Variants in STPG2 observed in about 807,000 individuals in gnomAD.
STPG2 encodes sperm-tail PG-rich repeat-containing protein 2.
In STPG2, 56 loss-of-function variants were observed where a neutral mutation model predicts 54.2. The observed-to-expected ratio is 1.03, with a 90% CI of 0.83 to 1.29. The LOEUF (loss-of-function observed/expected upper bound fraction) is 1.29, where lower values mean the gene tolerates loss of function less well. STPG2 is among the 50% of genes most tolerant of loss of function. STPG2 has a pLI of 0.00. For synonymous variants in STPG2, 200 were observed against 181.8 expected, an observed-to-expected ratio of 1.10 and a Z score of -0.81; for missense variants, 596 against 544.9, an observed-to-expected ratio of 1.09 and a Z score of -0.93.
intron 10 of STPG2, among the ~76,000 whole-genome samples, chr4:97,656,998 G>A (rs1019209705): frequency 6.6e-6 from 1 of 151,808 alleles, no homozygotes; most frequent in African/African-American, 2.4e-5. Flanking sequence ...TAATGCAATT[G>A]CAGTTTATTT....
intron 10 of STPG2, among the ~76,000 whole-genome samples, chr4:97,597,373 A>G (rs1028955838): frequency 2.0e-5 from 3 of 152,144 alleles, no homozygotes; most frequent in South Asian, 2.1e-4. Context: ...ATTCCAAAAA[A>G]TTGAGGAGAA....
chr4:97,610,605 A>G (rs1733706257), intron 10 of STPG2, among the ~76,000 whole-genome samples: 1 of 151,996 alleles, frequency 6.6e-6, no homozygotes, highest in Admixed American at 6.6e-5. Flanking sequence ...TCCAATCTAC[A>G]CAGTCACATA....
At chr4:97,996,255 T>C (rs931074378) in intron 5 of STPG2, among the ~76,000 whole-genome samples, 3 of 152,086 alleles carry the variant, frequency 2.0e-5, no homozygotes, top group South Asian at 2.1e-4. Flanking sequence ...CATAGACCAA[T>C]AGAGCAGAAT....
chr4:97,877,933 T>C (rs1730237209), intron 8 of STPG2, among the ~76,000 whole-genome samples: 1 of 152,148 alleles, frequency 6.6e-6, no homozygotes, highest in Non-Finnish European at 1.5e-5. Flanking sequence ...AGTTACTTCC[T>C]AGATAAAATA....
At chr4:97,949,949 T>C (rs1422046934) in intron 7 of STPG2, among the ~76,000 whole-genome samples, 14 of 152,166 alleles carry the variant, frequency 9.2e-5, no homozygotes, top group Non-Finnish European at 2.1e-4. Context: ...TTTGGATATC[T>C]AAATCACCAG....
At chr4:98,014,896 T>A (rs1735886181) in intron 5 of STPG2, among the ~76,000 whole-genome samples, 1 of 151,638 alleles carries the variant, frequency 6.6e-6, no homozygotes, top group African/African-American at 2.4e-5. Flanking sequence ...TTCGTTGACA[T>A]TTTTTTTCTT....
At chr4:98,113,742 C>T (rs1739425652) in intron 3 of STPG2, among the ~76,000 whole-genome samples, 1 of 151,868 alleles carries the variant, frequency 6.6e-6, no homozygotes, top group South Asian at 2.1e-4. Flanking sequence ...CAAAGCCCAG[C>T]CCCTTGTCAT....
At chr4:97,730,471 C>T (rs1724762466) in intron 9 of STPG2, among the ~76,000 whole-genome samples, 1 of 152,116 alleles carries the variant, frequency 6.6e-6, no homozygotes, top group African/African-American at 2.4e-5. Flanking sequence ...CATATGGATG[C>T]ATGTGTTTTT....
At chr4:98,077,525 C>T (rs1316849809) in intron 5 of STPG2, among the ~76,000 whole-genome samples, 3 of 152,102 alleles carry the variant, frequency 2.0e-5, no homozygotes, top group African/African-American at 7.2e-5. Flanking sequence ...CATGAGCCAC[C>T]ATGCCCAGCC....
At chr4:98,081,129 G>A (rs1194263676) in intron 5 of STPG2, among the ~76,000 whole-genome samples, 3 of 152,152 alleles carry the variant, frequency 2.0e-5, no homozygotes, top group Non-Finnish European at 4.4e-5. Context: ...TGAAATGAAA[G>A]GTATTCTGTG....
chr4:97,737,729 G>A lies in STPG2; in HGVS notation c.1205-24915C>T, dbSNP rs748939201. On this transcript the variant is annotated intron_variant, in intron 9 of 10. Transcript: ENST00000295268. ...GACTATGTGAAAAGACCATATCTAC[G>A]TCTCATCGGTGTACCTGAAAGTGAC... Among the ~76,000 whole-genome samples, 34 of 152,312 alleles carry A rather than the reference G, an allele frequency of 2.2e-4. 1 individual carries two copies. The highest frequency in any genetic ancestry group is 5.1e-4 in the African/African-American group (21 of 41,580).
intron 10 of STPG2, among the ~76,000 whole-genome samples, chr4:97,650,559 A>G (rs1722037329): frequency 6.6e-6 from 1 of 152,138 alleles, no homozygotes; most frequent in Non-Finnish European, 1.5e-5. Flanking sequence ...AGTTTGTCTA[A>G]AGACCTGGGA....
At chr4:97,707,957 A>C (rs772290347) in intron 10 of STPG2, among the ~76,000 whole-genome samples, 149 of 152,326 alleles carry the variant, frequency 9.8e-4, no homozygotes, top group Non-Finnish European at 1.7e-3. Flanking sequence ...AAACATGGTA[A>C]AATTTCTTAG....
At chr4:97,691,263 C>T (rs1403139339) in intron 10 of STPG2, among the ~76,000 whole-genome samples, 2 of 152,114 alleles carry the variant, frequency 1.3e-5, no homozygotes, top group African/African-American at 2.4e-5. Context: ...AGCTGGGAGT[C>T]TTATGGCCTG....
intron 8 of STPG2, among the ~76,000 whole-genome samples, chr4:97,858,649 C>T (rs1341011436): frequency 1.3e-5 from 2 of 152,152 alleles, no homozygotes; most frequent in Admixed American, 6.6e-5. Context: ...AGAACGTAGA[C>T]ATTTGGTTTC....
At chr4:97,595,874 A>T (rs1470363978) in intron 10 of STPG2, among the ~76,000 whole-genome samples, 1 of 152,200 alleles carries the variant, frequency 6.6e-6, no homozygotes, top group Non-Finnish European at 1.5e-5. Context: ...TCTGCATAAT[A>T]ACTAGCTAAC....
At chr4:98,082,890 C>T (rs1467188589) in intron 5 of STPG2, among the ~76,000 whole-genome samples, 1 of 152,124 alleles carries the variant, frequency 6.6e-6, no homozygotes, top group Admixed American at 6.5e-5. Context: ...GCCCTTCTAC[C>T]ACAATCCAAA....
At chr4:97,793,329 G>A (rs1279336815) in intron 9 of STPG2, among the ~76,000 whole-genome samples, 13 of 150,656 alleles carry the variant, frequency 8.6e-5, no homozygotes, top group Non-Finnish European at 1.8e-4. Flanking sequence ...TTAGCACCAT[G>A]AAAGCAGGGA....
At chr4:97,853,243 G>A (rs2149133120) in intron 8 of STPG2, among the ~76,000 whole-genome samples, 1 of 152,024 alleles carries the variant, frequency 6.6e-6, no homozygotes, top group Non-Finnish European at 1.5e-5. Flanking sequence ...TGGGATTACA[G>A]GCGTGAGTCA....
Sources: allele counts gnomAD v4.1 joint callset (sites outside exome capture counted in the v4.1 genomes callset), GRCh38; gene constraint gnomAD v4.1.1; transcripts MANE v1.5; gene names NCBI Gene and HGNC (gene_info 2026-07-23, HGNC 2026-07-21).